The following FAT1 variants were observed in gnomAD, a reference collection of about 807,000 sequenced individuals.
FAT1 encodes FAT atypical cadherin 1.
A neutral mutation model predicts 329.8 loss-of-function variants in FAT1; 171 were observed. That is an observed-to-expected ratio of 0.52 (90% CI 0.46 to 0.59). The LOEUF (loss-of-function observed/expected upper bound fraction) is 0.59, where lower values mean the gene tolerates loss of function less well. Among genes scored for constraint, FAT1 ranks in the 20% least tolerant of loss-of-function variants. FAT1 has a pLI of 0.00. For missense variants in FAT1, 5,672 were observed against 5,774.4 expected, an observed-to-expected ratio of 0.98 and a Z score of 0.57; for synonymous variants, 2,233 against 2,228.6, an observed-to-expected ratio of 1.00 and a Z score of -0.06.
chr4:186,655,166 G>C (rs897966182), intron 3 of FAT1, among the ~76,000 whole-genome samples: 2 of 152,276 alleles, frequency 1.3e-5, no homozygotes, highest in South Asian at 4.1e-4. Flanking sequence ...TGCAAATATA[G>C]ACACACAGAA....
chr4:186,705,548 C>T (rs1744543269), intron 2 of FAT1, among the ~76,000 whole-genome samples: 2 of 152,184 alleles, frequency 1.3e-5, no homozygotes, highest in African/African-American at 2.4e-5. Context: ...AAAGCCAACA[C>T]ATTCGCTCAT....
chr4:186,621,611 T>C lies in FAT1; in HGVS notation c.4975A>G (p.Ile1659Val), dbSNP rs1253188002. ...EITSVRIFVTIADNASPKFTS... is the reference protein window; with the variant it reads ...EITSVRIFVTVADNASPKFTS... ...AACTTCGGAGAGGCGTTGTCAGCAATTGTGACAAAGATACGCACAGAAGTT... is the reference window on the plus strand; with the variant it reads ...AACTTCGGAGAGGCGTTGTCAGCAACTGTGACAAAGATACGCACAGAAGTT... Residue 1659 changes from isoleucine (I) to valine (V), a missense_variant, in exon 10 of 27, where the codon ATT (isoleucine) becomes GTT (valine). Coordinates refer to ENST00000441802, the MANE Select transcript of FAT1 (RefSeq NM_005245.4). 8.1e-6 allele frequency: 13 copies of C among 1,613,918 alleles called. No individual in the cohort carries two copies. Among genetic ancestry groups the C allele is most frequent in the East Asian group, 6.7e-5 (3 of 44,890 alleles).
chr4:186,706,703 G>A lies in FAT1; in HGVS notation c.3125C>T (p.Thr1042Ile), dbSNP rs765144840. ...ACCAACAGGTGCATCTTCTTTCACT[G>A]TCCCCTTTTCCACAAAGCTGGAAAA... ...PVFSSFVEKG[T>I]VKEDAPVGSL... is the part of the protein sequence containing the mutation. Residue 1042 changes from threonine to isoleucine, a missense_variant, in exon 2 of 27, where the codon ACA becomes ATA. Thr to Ile is a moderately conservative substitution (Grantham distance 89). Transcript: ENST00000441802. 1 of 1,613,762 alleles carries A rather than the reference G, an allele frequency of 6.2e-7. No individual in the cohort carries two copies. The highest frequency in any genetic ancestry group is 8.5e-7 in the Non-Finnish European group (1 of 1,179,874).
rs1384748592 is a variant in FAT1 at position 186,600,368 on chromosome 4, A to G, written c.11641-8T>C. The G allele has an allele frequency of 1.2e-6, 2 of 1,600,608 alleles. No homozygotes were observed. The highest frequency in any genetic ancestry group is 4.5e-5 in the East Asian group (2 of 44,552). ...CAGCCTTCCATGATGAATCTAGGAT[A>G]AAAGCAATGACTGTTCACATTACTC... On this transcript the variant is annotated splice_region_variant and splice_polypyrimidine_tract_variant and intron_variant, in intron 21 of 26. Transcript: ENST00000441802.
chr4:186,707,949 T>C lies in FAT1; in HGVS notation c.1879A>G (p.Lys627Glu), dbSNP rs2126692604. Reference sequence around the variant, plus strand: ...CCTAAGCCATCCATTAGCGATCGCTTTAATGACAATACCCCCGAGTTGGGG... The same window carrying C: ...CCTAAGCCATCCATTAGCGATCGCTCTAATGACAATACCCCCGAGTTGGGG... The part of the protein sequence containing the change: ...LNPNSGVLSL[K>E]RSLMDGLGAK... Residue 627 changes from lysine (K) to glutamate (E), a missense_variant, in exon 2 of 27, where the codon AAG becomes GAG. Lys to Glu is a moderately conservative substitution (Grantham distance 56). This residue lies in a region of FAT1 where 3,966 missense variants were observed against 3,915.2 expected (regional missense o/e 1.01). Coordinates refer to ENST00000441802, the MANE Select transcript of FAT1 (RefSeq NM_005245.4). The C allele has an allele frequency of 6.2e-7, 1 of 1,613,974 alleles. No individual in the cohort carries two copies. Among genetic ancestry groups the C allele is most frequent in the South Asian group, 1.1e-5 (1 of 91,082 alleles).
rs376543815 is a variant in FAT1 at position 186,629,517 on chromosome 4, G to A, written c.4324-754C>T. On this transcript the variant is annotated intron_variant, in intron 7 of 26. Transcript: ENST00000441802. ...GGATTAATTTCCATAATGAAAAGAC[G>A]TATGGATTTGGCACAGCGGAAATCA... 2.1e-4 allele frequency among the ~76,000 whole-genome samples: 32 copies of A among 152,314 alleles called. No homozygotes were observed. The East Asian group carries it at 3.7e-3, about 17-fold the overall frequency.
intron 2 of FAT1, among the ~76,000 whole-genome samples, chr4:186,664,432 A>G (rs1053260653): frequency 6.6e-6 from 1 of 152,258 alleles, no homozygotes; most frequent in African/African-American, 2.4e-5. Flanking sequence ...TATTAAATAC[A>G]CAAGTGAAAT....
At position 186,609,846 on chromosome 4, in the gene FAT1, C is replaced by G. The variant is rs766084881; in HGVS notation, c.10023G>C (p.Thr3341=). 7 of 1,613,824 alleles carry G rather than the reference C, an allele frequency of 4.3e-6. No individual in the cohort carries two copies. Among genetic ancestry groups the G allele is most frequent in the Non-Finnish European group, 5.9e-6 (7 of 1,179,736 alleles). The change falls in exon 15 of 27, where the codon ACG becomes ACC. Residue 3341 remains threonine (T), a synonymous_variant. Coordinates refer to ENST00000441802, the MANE Select transcript of FAT1 (RefSeq NM_005245.4). The part of the protein sequence containing the change: ...NTPVFSQDTY[T]TVISEDAVLE... ...GAACGGCATCTTCACTGATGACTGT[C>G]GTGTAGGTGTCTTGGCTGAACACAG...
chr4:186,677,208 T>C (rs1415429813), intron 2 of FAT1, among the ~76,000 whole-genome samples: 1 of 152,234 alleles, frequency 6.6e-6, no homozygotes, highest in East Asian at 1.9e-4. Flanking sequence ...CAGCTACTTC[T>C]AATACCCAAT....
At chr4:186,657,802 C>A (rs753717385) in intron 3 of FAT1, among the ~76,000 whole-genome samples, 4 of 152,110 alleles carry the variant, frequency 2.6e-5, no homozygotes, top group Non-Finnish European at 5.9e-5. Context: ...TTAATAAATG[C>A]CAATTGTAAG....
chr4:186,676,284 A>G (rs1742955825), intron 2 of FAT1, among the ~76,000 whole-genome samples: 1 of 150,644 alleles, frequency 6.6e-6, no homozygotes, highest in Admixed American at 6.6e-5. Flanking sequence ...TTGTGAAAAA[A>G]AAAAACAAAA....
chr4:186,704,796 A>T (rs1327819045), intron 2 of FAT1, among the ~76,000 whole-genome samples: 1 of 152,236 alleles, frequency 6.6e-6, no homozygotes, highest in African/African-American at 2.4e-5. Flanking sequence ...GTTTCTCTTG[A>T]AATAAACTAA....
chr4:186,600,396 A>C (rs2126415735), intron 21 of FAT1, 36 bp from the exon 22 acceptor site: 155 of 1,538,466 alleles, frequency 1.0e-4, no homozygotes, highest in Non-Finnish European at 1.2e-4. Flanking sequence ...CATTACTCTC[A>C]TAGAACCTTC....
At chr4:186,645,500 T>G (rs1420848301) in intron 3 of FAT1, among the ~76,000 whole-genome samples, 1 of 149,048 alleles carries the variant, frequency 6.7e-6, no homozygotes. Context: ...TGTGAAGATA[T>G]CTCCATTTTT....
intron 1 of FAT1, among the ~76,000 whole-genome samples, chr4:186,722,135 G>A (rs1185543178): frequency 6.6e-6 from 1 of 152,172 alleles, no homozygotes; most frequent in African/African-American, 2.4e-5. Flanking sequence ...ACTACGCCCG[G>A]CCATAATTTT....
At chr4:186,705,702 C>G (rs941252326) in intron 2 of FAT1, among the ~76,000 whole-genome samples, 1 of 152,234 alleles carries the variant, frequency 6.6e-6, no homozygotes, top group Non-Finnish European at 1.5e-5. Context: ...CATATAACTA[C>G]AATATCTGCG....
chr4:186,592,560 C>A, intron 26 of FAT1: 1 of 391,400 alleles, frequency 2.6e-6, no homozygotes. Flanking sequence ...TACACACCTG[C>A]ATAAAATAAA....
intron 9 of FAT1, among the ~76,000 whole-genome samples, chr4:186,623,219 C>G (rs1740134637): frequency 6.6e-6 from 1 of 152,208 alleles, no homozygotes; most frequent in Non-Finnish European, 1.5e-5. Flanking sequence ...TGAACCCTGG[C>G]CGAGAACTGG....
At chr4:186,704,084 A>G (rs192134482) in intron 2 of FAT1, among the ~76,000 whole-genome samples, 32 of 152,368 alleles carry the variant, frequency 2.1e-4, no homozygotes, top group African/African-American at 7.2e-4. Context: ...AAAAGCATAT[A>G]AACGTAAGTC....
Sources: allele counts gnomAD v4.1 joint callset (sites outside exome capture counted in the v4.1 genomes callset), GRCh38; gene constraint gnomAD v4.1.1; regional missense constraint gnomAD v4.1.1; transcripts MANE v1.5; gene names NCBI Gene and HGNC (gene_info 2026-07-23, HGNC 2026-07-21).